The following NKAIN2 variants were observed in gnomAD, a reference collection of about 807,000 sequenced individuals.
NKAIN2 encodes sodium/potassium transporting ATPase interacting 2.
A neutral mutation model predicts 32.6 loss-of-function variants in NKAIN2; 14 were observed. The ratio of observed to expected loss-of-function variants is 0.43; its 90% confidence interval spans 0.28 to 0.67. The LOEUF (loss-of-function observed/expected upper bound fraction) is 0.67, where lower values mean the gene tolerates loss of function less well. Among genes scored for constraint, NKAIN2 ranks in the 30% least tolerant of loss-of-function variants. The pLI is 0.17. For missense variants in NKAIN2, 198 were observed against 258.3 expected (o/e 0.77, Z 1.60); for synonymous variants, 80 against 87.2 (o/e 0.92, Z 0.46).
intron 1 of NKAIN2, among the ~76,000 whole-genome samples, chr6:124,147,399 T>C (rs2114369732): frequency 6.6e-6 from 1 of 151,822 alleles, no homozygotes. Context: ...CCACCATACA[T>C]GAGCAAGTTG....
At chr6:124,048,258 T>C (rs1268926705) in intron 1 of NKAIN2, among the ~76,000 whole-genome samples, 5 of 151,952 alleles carry the variant, frequency 3.3e-5, no homozygotes, top group Non-Finnish European at 7.4e-5. Context: ...TCAAGCTATT[T>C]TGGGGCTTTT....
chr6:123,958,645 G>A (rs1406074342), intron 1 of NKAIN2, among the ~76,000 whole-genome samples: 1 of 152,204 alleles, frequency 6.6e-6, no homozygotes, highest in African/African-American at 2.4e-5. Context: ...TTCAACATAT[G>A]AATTTTGGAA....
At chr6:124,742,784 G>A (rs1332372051) in intron 4 of NKAIN2, among the ~76,000 whole-genome samples, 1 of 151,612 alleles carries the variant, frequency 6.6e-6, no homozygotes, top group Admixed American at 6.6e-5. Flanking sequence ...CCCTTACCTA[G>A]GACATCATCC....
At chr6:124,529,271 C>T (rs897290890) in intron 3 of NKAIN2, among the ~76,000 whole-genome samples, 8 of 152,072 alleles carry the variant, frequency 5.3e-5, no homozygotes, top group African/African-American at 1.4e-4. Context: ...TGAATGATAA[C>T]GTTACTAAAA....
chr6:124,626,689 C>T (rs1783361813), intron 3 of NKAIN2, among the ~76,000 whole-genome samples: 1 of 152,110 alleles, frequency 6.6e-6, no homozygotes, highest in African/African-American at 2.4e-5. Context: ...TAAAAGTGTG[C>T]TAGATGACGT....
At chr6:124,703,060 G>A (rs1032337593) in intron 4 of NKAIN2, among the ~76,000 whole-genome samples, 2 of 152,026 alleles carry the variant, frequency 1.3e-5, no homozygotes, top group Non-Finnish European at 2.9e-5. Context: ...ATTACTACTT[G>A]TTTCCATCAT....
chr6:124,717,274 G>A lies in NKAIN2; in HGVS notation c.474+58888G>A, dbSNP rs145944130. Reference sequence around the variant, plus strand: ...GTGTTAATTACTCTCCTCTTCATAGGTTGTCACTTTATATATGTAACATTT... The same window carrying A: ...GTGTTAATTACTCTCCTCTTCATAGATTGTCACTTTATATATGTAACATTT... On this transcript the variant is annotated intron_variant, in intron 4 of 6. Transcript: ENST00000368417. 4.7e-3 allele frequency among the ~76,000 whole-genome samples: 709 copies of A among 152,154 alleles called. 5 individuals carry two copies. Among genetic ancestry groups the A allele is most frequent in the African/African-American group, 0.016 (673 of 41,492 alleles).
intron 3 of NKAIN2, among the ~76,000 whole-genome samples, chr6:124,359,507 C>A (rs933064681): frequency 5.3e-5 from 8 of 152,088 alleles, no homozygotes; most frequent in African/African-American, 1.9e-4. Context: ...AAGTTGGAGT[C>A]CTAGGTATTT....
At chr6:124,084,802 A>G (rs971890947) in intron 1 of NKAIN2, among the ~76,000 whole-genome samples, 15 of 151,974 alleles carry the variant, frequency 9.9e-5, no homozygotes, top group Non-Finnish European at 5.9e-5. Context: ...AGCTTATTTG[A>G]AGAGAACATA....
At chr6:124,071,852 A>G (rs1314032779) in intron 1 of NKAIN2, among the ~76,000 whole-genome samples, 1 of 152,164 alleles carries the variant, frequency 6.6e-6, no homozygotes, top group Non-Finnish European at 1.5e-5. Context: ...TGCAGAGGAA[A>G]GAAAACACAT....
intron 5 of NKAIN2, among the ~76,000 whole-genome samples, chr6:124,813,495 T>G (rs1335986592): frequency 6.6e-6 from 1 of 152,174 alleles, no homozygotes; most frequent in Admixed American, 6.6e-5. Flanking sequence ...AAAATGTGAT[T>G]TGATGCTTTT....
intron 4 of NKAIN2, among the ~76,000 whole-genome samples, chr6:124,687,332 CATACAT>C (rs1183653618): frequency 7.5e-6 from 1 of 133,934 alleles, no homozygotes; most frequent in African/African-American, 2.7e-5. Flanking sequence ...ATATATATTC[CATACAT>C]ATACATATAA....
chr6:124,269,461 T>G (rs1165372679), intron 1 of NKAIN2, among the ~76,000 whole-genome samples: 1 of 151,110 alleles, frequency 6.6e-6, no homozygotes, highest in Non-Finnish European at 1.5e-5. Flanking sequence ...TTCTTTTTTT[T>G]TTCTTTTTCT....
At chr6:124,329,939 T>C (rs1484950701) in intron 2 of NKAIN2, among the ~76,000 whole-genome samples, 1 of 149,270 alleles carries the variant, frequency 6.7e-6, no homozygotes, top group Admixed American at 6.6e-5. Flanking sequence ...TAATCCATAC[T>C]CAGAATATTT....
chr6:123,867,868 T>TC (rs1772626163), intron 1 of NKAIN2, among the ~76,000 whole-genome samples: 1 of 150,660 alleles, frequency 6.6e-6, no homozygotes, highest in African/African-American at 2.4e-5. Flanking sequence ...GTTCATTTTT[T>TC]TTTTTTTTTT....
intron 4 of NKAIN2, among the ~76,000 whole-genome samples, chr6:124,745,617 G>A (rs893626968): frequency 6.6e-6 from 1 of 151,570 alleles, no homozygotes; most frequent in South Asian, 2.1e-4. Flanking sequence ...AAAACCATTC[G>A]CTGAGATCTC....
intron 3 of NKAIN2, among the ~76,000 whole-genome samples, chr6:124,439,862 C>T (rs1262322135): frequency 6.6e-6 from 1 of 151,982 alleles, no homozygotes; most frequent in East Asian, 1.9e-4. Flanking sequence ...TTGTCTATCT[C>T]CTTCCTCTCT....
intron 1 of NKAIN2, among the ~76,000 whole-genome samples, chr6:124,248,965 G>A (rs1189715684): frequency 6.6e-6 from 1 of 152,038 alleles, no homozygotes; most frequent in Non-Finnish European, 1.5e-5. Flanking sequence ...ACAGATGTTG[G>A]GCAATGAAGT....
intron 1 of NKAIN2, among the ~76,000 whole-genome samples, chr6:123,817,604 A>C (rs1165600267): frequency 1.3e-5 from 2 of 152,160 alleles, no homozygotes; most frequent in African/African-American, 2.4e-5. Context: ...GGAATTTTCA[A>C]AGATGTCAAC....
Sources: gnomAD v4.1 joint callset for allele counts (sites outside exome capture counted in the v4.1 genomes callset) on GRCh38, gnomAD v4.1.1 for gene constraint, MANE v1.5 for transcripts, NCBI Gene and HGNC (gene_info 2026-07-23, HGNC 2026-07-21) for gene names.